FGF5: variants seen among roughly 807,000 people sequenced by gnomAD.
The protein encoded by FGF5 is fibroblast growth factor 5.
In FGF5, 23 loss-of-function variants were observed where a neutral mutation model predicts 21.8. The observed-to-expected ratio is 1.05, with a 90% confidence interval of 0.76 to 1.49. FGF5 has a LOEUF of 1.49. Among genes scored for constraint, FGF5 ranks in the 40% most tolerant of loss-of-function variants. The probability of loss-of-function intolerance (pLI) is 0.00; values close to 1 mark genes in which losing one functional copy is unlikely to be tolerated. For synonymous variants in FGF5, 158 were observed against 124.0 expected (o/e 1.27, Z -1.82); for missense variants, 352 against 332.9 (o/e 1.06, Z -0.45).
rs1720295113 is a variant in FGF5, at chr4:80,272,413, T to C, written c.356-2496T>C. On this transcript the variant is annotated intron_variant, in intron 1 of 2. Transcript: ENST00000312465. Reference sequence around the variant, plus strand: ...TTACATGCAACTTGTACATAATATATACACAGAGTGTACACTGTATTGAAA... The same window carrying C: ...TTACATGCAACTTGTACATAATATACACACAGAGTGTACACTGTATTGAAA... Among the ~76,000 whole-genome samples, 4 of 152,164 alleles carry C rather than the reference T, an allele frequency of 2.6e-5. No homozygotes were observed. In the South Asian group the frequency reaches 8.3e-4, roughly 31 times the overall value.
rs754259509 is a variant in FGF5 at position 80,286,307 on chromosome 4, T to C, written c.460-18T>C. ...AGATCGCCACAACTTAAATTTCCTC[T>C]TTTTTTCTCCTCCTTAGGCCAAGTT... On this transcript the variant is annotated intron_variant, in intron 2 of 2. Transcript: ENST00000312465. 12 of 1,526,362 alleles carry C rather than the reference T, an allele frequency of 7.9e-6. No individual in the cohort carries two copies. Among genetic ancestry groups the C allele is most frequent in the African/African-American group, 5.6e-5 (4 of 71,644 alleles). 94.6% of individuals were successfully genotyped at this position (1,526,362 alleles called of 1,614,324 possible).
chr4:80,285,645 G>A (rs1034926083), intron 2 of FGF5, among the ~76,000 whole-genome samples: 1 of 152,170 alleles, frequency 6.6e-6, no homozygotes, highest in Non-Finnish European at 1.5e-5. Context: ...TTCAAGGGCA[G>A]ATATTTTGTG....
At chr4:80,268,893 G>C (rs1342153708) in intron 1 of FGF5, among the ~76,000 whole-genome samples, 2 of 152,246 alleles carry the variant, frequency 1.3e-5, no homozygotes, top group Non-Finnish European at 2.9e-5. Flanking sequence ...AGATCTGTTG[G>C]GGTGAAATGG....
At chr4:80,273,718 T>C (rs1421204030) in intron 1 of FGF5, among the ~76,000 whole-genome samples, 1 of 152,098 alleles carries the variant, frequency 6.6e-6, no homozygotes, top group Non-Finnish European at 1.5e-5. Flanking sequence ...TTCTTTTCCT[T>C]TTTAAAAGTA....
intron 2 of FGF5, among the ~76,000 whole-genome samples, chr4:80,282,917 T>C (rs1019664147): frequency 6.6e-6 from 1 of 152,174 alleles, no homozygotes; most frequent in African/African-American, 2.4e-5. Context: ...AATTTTCTAA[T>C]GGTAAATGTA....
At chr4:80,285,617 C>T (rs1312418675) in intron 2 of FGF5, among the ~76,000 whole-genome samples, 3 of 152,142 alleles carry the variant, frequency 2.0e-5, no homozygotes, top group African/African-American at 7.2e-5. Context: ...GTCTGCTTTT[C>T]CACTATTCTG....
chr4:80,275,083 C>T, intron 2 of FGF5, 71 bp downstream of exon 2: 1 of 630,578 alleles, frequency 1.6e-6, no homozygotes, highest in Non-Finnish European at 2.6e-6. Flanking sequence ...GAATAATTTT[C>T]CAAATTCATA....
Position 80,287,577 on chromosome 4 carries a change from C to T in FGF5, c.*905C>T, listed in dbSNP as rs1381736123. On this transcript the variant is annotated 3_prime_UTR_variant, in exon 3 of 3. Transcript: ENST00000312465. Reference sequence around the variant, plus strand: ...CCTTCATTTCTCTTTTTATCTCCCCCTTGCCCTCATTCTTGAACAGCTGGA... The same window carrying T: ...CCTTCATTTCTCTTTTTATCTCCCCTTTGCCCTCATTCTTGAACAGCTGGA... The T allele has an allele frequency of 1.3e-5, 2 of 152,166 alleles. No homozygotes were observed. The highest frequency in any genetic ancestry group is 2.9e-5 in the Non-Finnish European group (2 of 68,022). The allele number at this position is 152,166 out of a possible 1,614,324, so 9.4% of individuals were successfully genotyped here. A position where few individuals can be genotyped will look rare whatever the true frequency, so the allele number is the denominator to read the frequency against.
At chr4:80,274,881 T>C (rs1037609670) in intron 1 of FGF5, 28 bp from the exon 2 acceptor site, 9 of 964,274 alleles carry the variant, frequency 9.3e-6, no homozygotes, top group Non-Finnish European at 1.5e-5. Context: ...AGAGCCTGTG[T>C]TTTATTTTGG....
At chr4:80,271,778 T>C (rs1034608991) in intron 1 of FGF5, among the ~76,000 whole-genome samples, 10 of 152,170 alleles carry the variant, frequency 6.6e-5, no homozygotes, top group Non-Finnish European at 1.2e-4. Flanking sequence ...TCAAATTTAA[T>C]ATGCGTGACT....
Position 80,286,387 on chromosome 4 carries a change from T to C in FGF5, c.522T>C (p.Tyr174=), listed in dbSNP as rs768021806. The C allele has an allele frequency of 3.1e-6, 5 of 1,613,838 alleles. No homozygotes were observed. Among genetic ancestry groups the C allele is most frequent in the Non-Finnish European group, 4.2e-6 (5 of 1,179,890 alleles). ...ERFQENSYNT[Y]ASAIHRTEKT... ...TTCAAGAAAATAGCTATAATACCTA[T>C]GCCTCAGCAATACATAGAACTGAAA... is the stretch of plus-strand genomic sequence containing the variant. Residue 174 remains tyrosine (Y), a synonymous_variant, in exon 3 of 3, where the codon TAT becomes TAC. Coordinates refer to ENST00000312465, the MANE Select transcript of FGF5 (RefSeq NM_004464.4).
Position 80,286,640 on chromosome 4 carries a change from G to C in FGF5, c.775G>C (p.Val259Leu). The change falls in exon 3 of 3, where the codon GTG (valine) becomes CTG (leucine). Residue 259 changes from valine to leucine, a missense_variant. Val to Leu is a conservative substitution (Grantham distance 32). Transcript: ENST00000312465. The stretch of plus-strand genomic sequence containing the variant: ...TGCACCTCGGAAAAATACCAACTCA[G>C]TGAAATACAGACTCAAGTTTCGCTT... ...LSAPRKNTNSVKYRLKFRFG is the reference protein window; with the variant it reads ...LSAPRKNTNSLKYRLKFRFG 6.2e-7 allele frequency: 1 copy of C among 1,613,876 alleles called. No individual in the cohort carries two copies. Among genetic ancestry groups the C allele is most frequent in the Non-Finnish European group, 8.5e-7 (1 of 1,179,920 alleles).
chr4:80,271,264 G>A (rs949183648), intron 1 of FGF5, among the ~76,000 whole-genome samples: 4 of 152,034 alleles, frequency 2.6e-5, no homozygotes, highest in African/African-American at 9.7e-5. Context: ...CAAAAATCTA[G>A]AAATATGTTT....
At position 80,286,430 on chromosome 4, in the gene FGF5, T is replaced by C. The variant is rs1720722324; in HGVS notation, c.565T>C (p.Tyr189His). Residue 189 changes from tyrosine (Y) to histidine (H), a missense_variant, in exon 3 of 3, where the codon TAT becomes CAT. Tyr to His is a moderately conservative substitution (Grantham distance 83). Transcript: ENST00000312465. ...AACTGAAAAAACAGGGCGGGAGTGGTATGTGGCCCTGAATAAAAGAGGAAA... is the reference window on the plus strand; with the variant it reads ...AACTGAAAAAACAGGGCGGGAGTGGCATGTGGCCCTGAATAAAAGAGGAAA... ...HRTEKTGREWYVALNKRGKAK... is the reference protein window; with the variant it reads ...HRTEKTGREWHVALNKRGKAK... 6.2e-7 allele frequency: 1 copy of C among 1,613,870 alleles called. No individual in the cohort carries two copies. The highest frequency in any genetic ancestry group is 2.2e-5 in the East Asian group (1 of 44,860).
intron 1 of FGF5, 135 bp from the exon 2 acceptor site, chr4:80,274,774 A>C (rs1720363637): frequency 1.8e-6 from 1 of 553,612 alleles, no homozygotes; most frequent in Admixed American, 3.9e-5. Context: ...GTCATGAACA[A>C]TAAGGATGTT....
At chr4:80,266,603 G>C (rs1560496088), upstream of FGF5, 1 of 536,516 alleles carries the variant, frequency 1.9e-6, no homozygotes. Context: ...AGCTTCGCAG[G>C]CGTGCACGGA....
chr4:80,281,534 A>G (rs1720555191), intron 2 of FGF5, among the ~76,000 whole-genome samples: 1 of 152,228 alleles, frequency 6.6e-6, no homozygotes, highest in Admixed American at 6.5e-5. Context: ...AATCATTAAA[A>G]TTGATTAAGT....
intron 1 of FGF5, 24 bp downstream of exon 1, chr4:80,267,203 A>C (rs749372606): frequency 1.0e-5 from 16 of 1,557,772 alleles, no homozygotes; most frequent in Non-Finnish European, 1.4e-5. Context: ...TCTCCTACAA[A>C]ACCCGTCCTA....
intron 1 of FGF5, among the ~76,000 whole-genome samples, chr4:80,268,062 A>C (rs1041401132): frequency 1.3e-5 from 2 of 152,182 alleles, no homozygotes; most frequent in Admixed American, 6.5e-5. Context: ...TTTTATAAAC[A>C]AAGTTTTAAA....
Sources: allele counts gnomAD v4.1 joint callset (sites outside exome capture counted in the v4.1 genomes callset), GRCh38; gene constraint gnomAD v4.1.1; transcripts MANE v1.5; gene names NCBI Gene and HGNC (gene_info 2026-07-23, HGNC 2026-07-21).